Variants in RNF220 observed in about 807,000 individuals in gnomAD.
The protein encoded by RNF220 is E3 ubiquitin-protein ligase RNF220.
RNF220 carries 7 observed loss-of-function variants against 67.1 expected under a neutral mutation model. The ratio of observed to expected loss-of-function variants is 0.10; its 90% CI spans 0.06 to 0.20. The LOEUF (loss-of-function observed/expected upper bound fraction) is 0.20. Ranked by LOEUF, RNF220 falls within the 10% of genes least tolerant of loss-of-function variation. The pLI is 1.00. For synonymous variants in RNF220, 270 were observed against 283.2 expected (o/e 0.95, Z 0.47); for missense variants, 565 against 740.3 (o/e 0.76, Z 2.75).
intron 8 of RNF220, 96 bp downstream of exon 8, chr1:44,636,258 G>T: frequency 6.6e-7 from 1 of 1,518,582 alleles, no homozygotes; most frequent in Non-Finnish European, 9.0e-7. Flanking sequence ...CTGGTGGCTG[G>T]TCATCCATCC....
chr1:44,616,599 C>T (rs994805054), intron 3 of RNF220, among the ~76,000 whole-genome samples: 2 of 152,082 alleles, frequency 1.3e-5, no homozygotes, highest in Non-Finnish European at 2.9e-5. Context: ...TCCCTACCCC[C>T]CGCCCACACA....
In RNF220 at chr1:44,632,331, A is replaced by T; in HGVS notation, c.907-12A>T. Reference sequence around the variant, plus strand: ...TTTTCTTTTCTTGCATCTGCCCGCGATCTTCTCCCAGACCTTTCTGCGAGT... The same window carrying T: ...TTTTCTTTTCTTGCATCTGCCCGCGTTCTTCTCCCAGACCTTTCTGCGAGT... On this transcript the variant is annotated splice_polypyrimidine_tract_variant and intron_variant, in intron 5 of 14. Coordinates refer to ENST00000361799, the MANE Select transcript of RNF220 (RefSeq NM_018150.4). 3 of 1,613,988 alleles carry T rather than the reference A, an allele frequency of 1.9e-6. No individual in the cohort carries two copies. Among genetic ancestry groups the T allele is most frequent in the South Asian group, 2.2e-5 (2 of 91,078 alleles).
chr1:44,426,016 T>C (rs1649734635), intron 2 of RNF220, among the ~76,000 whole-genome samples: 1 of 152,190 alleles, frequency 6.6e-6, no homozygotes, highest in African/African-American at 2.4e-5. Flanking sequence ...ACCCAACTCT[T>C]GTAGACTTTT....
chr1:44,421,278 G>T (rs1426618423), intron 2 of RNF220, among the ~76,000 whole-genome samples: 15 of 152,102 alleles, frequency 9.9e-5, no homozygotes, highest in African/African-American at 3.6e-4. Context: ...TTATATTACT[G>T]GATATTGTTT....
At chr1:44,437,612 A>C (rs907989718) in intron 2 of RNF220, among the ~76,000 whole-genome samples, 17 of 152,180 alleles carry the variant, frequency 1.1e-4, no homozygotes, top group Non-Finnish European at 2.1e-4. Context: ...AGGAAAGACA[A>C]GCTGTCGATA....
intron 2 of RNF220, among the ~76,000 whole-genome samples, chr1:44,532,017 G>A (rs894098603): frequency 1.3e-5 from 2 of 151,924 alleles, no homozygotes; most frequent in Non-Finnish European, 2.9e-5. Context: ...CCCTTCTACT[G>A]TACTGCTTTA....
At chr1:44,504,789 C>T (rs1043814651) in intron 2 of RNF220, among the ~76,000 whole-genome samples, 1 of 152,080 alleles carries the variant, frequency 6.6e-6, no homozygotes, top group African/African-American at 2.4e-5. Flanking sequence ...AGCACGTGAC[C>T]ATATCTGTCT....
In RNF220 at chr1:44,417,322, C is replaced by G. The variant is rs950678000; in HGVS notation, c.625+4600C>G. ...TGTTTCTGGTTGTTCACTCCCAACACAGTCATGGAGACTCTTTTTCATGCT... is the reference window on the plus strand; with the variant it reads ...TGTTTCTGGTTGTTCACTCCCAACAGAGTCATGGAGACTCTTTTTCATGCT... On this transcript the variant is annotated intron_variant, in intron 2 of 14. Coordinates refer to ENST00000361799, the MANE Select transcript of RNF220 (RefSeq NM_018150.4). The surrounding 1 kb of genome is among the most constrained non-coding windows in gnomAD (Gnocchi z 4.0). 1.3e-5 allele frequency among the ~76,000 whole-genome samples: 2 copies of G among 152,244 alleles called. No homozygotes were observed. Among genetic ancestry groups the G allele is most frequent in the Non-Finnish European group, 2.9e-5 (2 of 68,042 alleles).
intron 2 of RNF220, among the ~76,000 whole-genome samples, chr1:44,597,965 C>CCTCT (rs370031040): frequency 4.2e-5 from 6 of 141,526 alleles, no homozygotes; most frequent in African/African-American, 1.6e-4. Context: ...ACCCCACCCA[C>CCTCT]CTCTCTCTCT....
At chr1:44,407,622 A>G (rs1647489358) in intron 1 of RNF220, among the ~76,000 whole-genome samples, 1 of 151,928 alleles carries the variant, frequency 6.6e-6, no homozygotes, top group African/African-American at 2.4e-5. Flanking sequence ...GCGCGGAGCG[A>G]GCGGGGACAC....
At chr1:44,598,712 G>C (rs1343806847) in intron 2 of RNF220, among the ~76,000 whole-genome samples, 1 of 152,118 alleles carries the variant, frequency 6.6e-6, no homozygotes, top group Non-Finnish European at 1.5e-5. Context: ...GGATTTTGCT[G>C]TCTGGTTATG....
intron 2 of RNF220, among the ~76,000 whole-genome samples, chr1:44,432,216 A>G (rs1159761724): frequency 6.6e-6 from 1 of 151,890 alleles, no homozygotes; most frequent in African/African-American, 2.4e-5. Context: ...GGATCCTGCT[A>G]CTCTGTAGAG....
chr1:44,407,719 G>C (rs901488652), intron 1 of RNF220, among the ~76,000 whole-genome samples: 1 of 152,110 alleles, frequency 6.6e-6, no homozygotes, highest in Non-Finnish European at 1.5e-5. Context: ...CTGCGCATCC[G>C]CAGTCCAGGA....
chr1:44,466,674 G>A (rs1375244935), intron 2 of RNF220, among the ~76,000 whole-genome samples: 1 of 152,220 alleles, frequency 6.6e-6, no homozygotes, highest in African/African-American at 2.4e-5. Flanking sequence ...CTCCATCAGA[G>A]CACATGGGTG....
At chr1:44,440,518 A>T (rs528418382) in intron 2 of RNF220, among the ~76,000 whole-genome samples, 1 of 152,368 alleles carries the variant, frequency 6.6e-6, no homozygotes, top group African/African-American at 2.4e-5. Flanking sequence ...ACTGTTTAAC[A>T]GCCCTGCAGG....
intron 2 of RNF220, among the ~76,000 whole-genome samples, chr1:44,440,265 T>C (rs1222776191): frequency 6.6e-6 from 1 of 152,236 alleles, no homozygotes; most frequent in Non-Finnish European, 1.5e-5. Flanking sequence ...GTACTGAACC[T>C]TTTCATCATT....
intron 8 of RNF220, among the ~76,000 whole-genome samples, chr1:44,639,989 C>T (rs1644440931): frequency 6.6e-6 from 1 of 152,204 alleles, no homozygotes; most frequent in African/African-American, 2.4e-5. Context: ...GGGGTTTCAC[C>T]ATGTTGGCCA....
intron 1 of RNF220, among the ~76,000 whole-genome samples, chr1:44,407,132 C>T (rs1265717025): frequency 2.0e-5 from 3 of 152,158 alleles, no homozygotes; most frequent in African/African-American, 4.8e-5. Flanking sequence ...CCCTACCTGG[C>T]CGGCCCGGGT....
chr1:44,492,775 G>A (rs571095602), intron 2 of RNF220, among the ~76,000 whole-genome samples: 1 of 152,248 alleles, frequency 6.6e-6, no homozygotes, highest in African/African-American at 2.4e-5. Flanking sequence ...GGGGAGGATT[G>A]GGGGTGACTG....
Sources: allele counts gnomAD v4.1 joint callset (sites outside exome capture counted in the v4.1 genomes callset), GRCh38; gene constraint gnomAD v4.1.1; non-coding constraint Gnocchi (gnomAD v3.1); transcripts MANE v1.5; gene names NCBI Gene and HGNC (gene_info 2026-07-23, HGNC 2026-07-21).